The following MROH9 variants were observed in gnomAD, a reference collection of about 807,000 sequenced individuals.
MROH9 encodes maestro heat-like repeat-containing protein family member 9.
Under a neutral mutation model 98.2 loss-of-function variants are expected in MROH9, and 92 were observed. The observed-to-expected ratio is 0.94, with a 90% CI of 0.79 to 1.11. The LOEUF (loss-of-function observed/expected upper bound fraction) is 1.11. Ranked by LOEUF, MROH9 falls within the 50% of genes most tolerant of loss-of-function variation. The pLI is 0.00. For synonymous variants in MROH9, 397 were observed against 368.9 expected, an observed-to-expected ratio of 1.08 and a Z score of -0.87; for missense variants, 1,057 against 1,014.8, an observed-to-expected ratio of 1.04 and a Z score of -0.57.
At chr1:170,964,210 A>G (rs1331139458) in intron 6 of MROH9, among the ~76,000 whole-genome samples, 3 of 152,084 alleles carry the variant, frequency 2.0e-5, no homozygotes, top group African/African-American at 7.2e-5. Context: ...AAGGAGCAAT[A>G]ATATATATAA....
rs970125039 is a variant in MROH9, at chr1:170,983,499, A to C, written c.694A>C (p.Lys232Gln). 1.2e-6 allele frequency: 2 copies of C among 1,613,116 alleles called. No homozygotes were observed. The highest frequency in any genetic ancestry group is 1.3e-5 in the African/African-American group (1 of 75,008). ...FPSSDVEFLP[K>Q]EFQQDESKIA... Reference sequence around the variant, plus strand: ...TTCTTCTGATGTAGAATTTCTACCCAAGGAGTTTCAACAAGACGAAAGTAA... The same window carrying C: ...TTCTTCTGATGTAGAATTTCTACCCCAGGAGTTTCAACAAGACGAAAGTAA... Residue 232 changes from lysine (K) to glutamine (Q), a missense_variant, in exon 9 of 22, where the codon AAG becomes CAG. Coordinates refer to ENST00000367759, the MANE Select transcript of MROH9 (RefSeq NM_001163629.2).
At chr1:170,952,888 A>G (rs1042481035) in intron 3 of MROH9, among the ~76,000 whole-genome samples, 4 of 152,092 alleles carry the variant, frequency 2.6e-5, no homozygotes, top group Admixed American at 1.3e-4. Context: ...ACATCAAATT[A>G]TAGCAGTGAA....
chr1:171,033,035 C>T (rs574030112), intron 20 of MROH9, among the ~76,000 whole-genome samples: 1 of 152,354 alleles, frequency 6.6e-6, no homozygotes, highest in Admixed American at 6.5e-5. Context: ...AGAGTCAGGC[C>T]TGTAGAGGCA....
chr1:171,019,237 G>T (rs1027066697), intron 17 of MROH9, among the ~76,000 whole-genome samples: 6 of 152,182 alleles, frequency 3.9e-5, no homozygotes, highest in Non-Finnish European at 7.3e-5. Flanking sequence ...ATGAAATTAA[G>T]GCAGAAATCA....
At chr1:170,994,842 T>G (rs1288307423) in intron 12 of MROH9, among the ~76,000 whole-genome samples, 2 of 151,960 alleles carry the variant, frequency 1.3e-5, no homozygotes, top group African/African-American at 4.8e-5. Context: ...AGTTACATTT[T>G]TGGGAGTTTG....
At chr1:171,010,744 T>C (rs1355460721) in intron 15 of MROH9, among the ~76,000 whole-genome samples, 1 of 152,184 alleles carries the variant, frequency 6.6e-6, no homozygotes, top group Non-Finnish European at 1.5e-5. Context: ...TTTTGAGAAG[T>C]TTCTGTTCAT....
At chr1:171,023,925 T>C (rs1023501878) in intron 17 of MROH9, among the ~76,000 whole-genome samples, 12 of 152,204 alleles carry the variant, frequency 7.9e-5, no homozygotes, top group Non-Finnish European at 1.5e-4. Flanking sequence ...ACCCTTCAGC[T>C]GCTGGCAACC....
rs78195674 is a variant in MROH9 at position 170,995,371 on chromosome 1, T to C, written c.1195-18T>C. On this transcript the variant is annotated intron_variant, in intron 12 of 21. Coordinates refer to ENST00000367759, the MANE Select transcript of MROH9 (RefSeq NM_001163629.2). ...GAAAAATGTTTACATTTCTACCTCC[T>C]ATTTCCTTCCCTTATAGGCATGCCA... The C allele has an allele frequency of 1.6e-3, 2,577 of 1,612,872 alleles. 33 individuals are homozygous for C. In the African/African-American group the frequency reaches 0.031, roughly 19 times the overall value.
intron 20 of MROH9, among the ~76,000 whole-genome samples, chr1:171,037,134 C>A (rs1203463706): frequency 6.6e-6 from 1 of 151,074 alleles, no homozygotes; most frequent in Non-Finnish European, 1.5e-5. Context: ...ATGCTAATCT[C>A]AAAGCAACTA....
intron 20 of MROH9, among the ~76,000 whole-genome samples, chr1:171,048,101 G>A (rs932116936): frequency 6.6e-6 from 1 of 152,120 alleles, no homozygotes; most frequent in African/African-American, 2.4e-5. Context: ...GCACTGGGTC[G>A]ACCTGAAGCC....
intron 4 of MROH9, among the ~76,000 whole-genome samples, chr1:170,958,842 T>A (rs974794463): frequency 3.9e-5 from 6 of 152,184 alleles, no homozygotes; most frequent in African/African-American, 1.4e-4. Flanking sequence ...GGGTCAGTAA[T>A]ATATCTCAAC....
chr1:170,949,247 CA>C (rs1262258044), intron 3 of MROH9, among the ~76,000 whole-genome samples: 16 of 152,162 alleles, frequency 1.1e-4, no homozygotes, highest in Admixed American at 8.5e-4. Flanking sequence ...TAAAAGCTCT[CA>C]GCTGCCAACA....
intron 3 of MROH9, among the ~76,000 whole-genome samples, chr1:170,952,533 A>C (rs1364126540): frequency 6.9e-6 from 1 of 144,942 alleles, no homozygotes; most frequent in Non-Finnish European, 1.5e-5. Flanking sequence ...TCTCACTCAT[A>C]GGTGGGAATT....
At chr1:170,938,007 T>C (rs556463000) in intron 1 of MROH9, among the ~76,000 whole-genome samples, 1 of 152,276 alleles carries the variant, frequency 6.6e-6, no homozygotes, top group African/African-American at 2.4e-5. Context: ...CAGGACACAG[T>C]AATACTAAGA....
chr1:171,011,627 A>G (rs1188917482), intron 15 of MROH9, among the ~76,000 whole-genome samples: 2 of 152,210 alleles, frequency 1.3e-5, no homozygotes, highest in Non-Finnish European at 2.9e-5. Context: ...TACATAAGCC[A>G]GGGTCTGCCA....
intron 3 of MROH9, among the ~76,000 whole-genome samples, chr1:170,956,057 A>C (rs1649745620): frequency 6.6e-6 from 1 of 152,114 alleles, no homozygotes; most frequent in Admixed American, 6.5e-5. Context: ...TCCCAGCACC[A>C]TTTGTTGAAA....
chr1:170,945,179 A>G (rs578192261), intron 1 of MROH9, among the ~76,000 whole-genome samples: 1 of 152,030 alleles, frequency 6.6e-6, no homozygotes, highest in African/African-American at 2.4e-5. Flanking sequence ...AGGTTCTTCA[A>G]TCTGACAGCC....
At chr1:170,954,859 G>T (rs1177645266) in intron 3 of MROH9, among the ~76,000 whole-genome samples, 1 of 151,824 alleles carries the variant, frequency 6.6e-6, no homozygotes, top group Admixed American at 6.6e-5. Flanking sequence ...GGTGGTATTT[G>T]GTTACATGAG....
At chr1:170,998,676 T>G in intron 15 of MROH9, 1 of 1,100,402 alleles carries the variant, frequency 9.1e-7, no homozygotes, top group South Asian at 3.5e-5. Context: ...GCTGAGTAAC[T>G]GGGTAAAATG....
Sources: gnomAD v4.1 joint callset for allele counts (sites outside exome capture counted in the v4.1 genomes callset) on GRCh38, gnomAD v4.1.1 for gene constraint, MANE v1.5 for transcripts, NCBI Gene and HGNC (gene_info 2026-07-23, HGNC 2026-07-21) for gene names.